Variants in MAD1L1 observed in about 807,000 individuals in gnomAD.
The protein encoded by MAD1L1 is mitotic arrest deficient 1 like 1.
Under a neutral mutation model 96.9 loss-of-function variants are expected in MAD1L1, and 95 were observed. That is an observed-to-expected ratio of 0.98 (90% CI 0.83 to 1.16). MAD1L1 has a LOEUF of 1.16. Ranked by LOEUF, MAD1L1 falls within the 50% of genes most tolerant of loss-of-function variation. MAD1L1 has a pLI of 0.00. For missense variants in MAD1L1, 1,007 were observed against 954.4 expected (o/e 1.06, Z -0.73); for synonymous variants, 473 against 396.6 (o/e 1.19, Z -2.29).
chr7:1,937,299 T>C (rs1442880324), intron 16 of MAD1L1, among the ~76,000 whole-genome samples: 1 of 152,074 alleles, frequency 6.6e-6, no homozygotes, highest in East Asian at 1.9e-4. Context: ...CATGTTCCCA[T>C]CTCTTCCCTA....
At chr7:1,832,361 G>A (rs1221434090) in intron 18 of MAD1L1, among the ~76,000 whole-genome samples, 1 of 152,112 alleles carries the variant, frequency 6.6e-6, no homozygotes, top group Non-Finnish European at 1.5e-5. Flanking sequence ...ATGAGGAGCT[G>A]CTGCTTATGA....
intron 15 of MAD1L1, among the ~76,000 whole-genome samples, chr7:1,976,769 T>C (rs1483516543): frequency 6.6e-6 from 1 of 152,238 alleles, no homozygotes; most frequent in Non-Finnish European, 1.5e-5. Flanking sequence ...CACAGAGTGC[T>C]GATTGGTGCA....
intron 16 of MAD1L1, among the ~76,000 whole-genome samples, chr7:1,940,931 TCCCCCAGGCCTCACCCTCCTCTTCCTCCC>T (rs1778927962): frequency 1.2e-5 from 1 of 84,302 alleles, no homozygotes; most frequent in Non-Finnish European, 2.6e-5. Flanking sequence ...GAGACCCTCC[TCCCCCAGGCCTCACCCTCCTCTTCCTCCC>T]CCCGCAGGCC....
chr7:2,195,236 TA>T (rs1251420569), intron 10 of MAD1L1, among the ~76,000 whole-genome samples: 3 of 152,200 alleles, frequency 2.0e-5, no homozygotes, highest in African/African-American at 7.2e-5. Context: ...ATGCTTGTAA[TA>T]GCTACCAATG....
At chr7:2,162,007 G>A (rs562517498) in intron 10 of MAD1L1, among the ~76,000 whole-genome samples, 1 of 139,738 alleles carries the variant, frequency 7.2e-6, no homozygotes, top group Non-Finnish European at 1.5e-5. Flanking sequence ...GAGGTGGGGG[G>A]CGGCCCCTGC....
chr7:2,213,400 G>A, intron 9 of MAD1L1, 127 bp from the exon 10 acceptor site: 1 of 836,384 alleles, frequency 1.2e-6, no homozygotes, highest in Admixed American at 1.9e-5. Flanking sequence ...TCTCTGAGCT[G>A]GGCGCTACAT....
chr7:1,891,586 A>C (rs956042381), intron 18 of MAD1L1, among the ~76,000 whole-genome samples: 3 of 151,986 alleles, frequency 2.0e-5, no homozygotes, highest in African/African-American at 4.8e-5. Flanking sequence ...CTTTATTCTT[A>C]TTATTATTAG....
At chr7:1,931,005 G>A (rs570560417) in intron 17 of MAD1L1, among the ~76,000 whole-genome samples, 40 of 151,318 alleles carry the variant, frequency 2.6e-4, no homozygotes, top group Non-Finnish European at 4.4e-4. Context: ...TCACAGGAGC[G>A]AGGGCGCGTC....
intron 10 of MAD1L1, among the ~76,000 whole-genome samples, chr7:2,178,867 A>C: frequency 6.6e-6 from 1 of 151,744 alleles, no homozygotes; most frequent in East Asian, 1.9e-4. Context: ...ACTGCACTTC[A>C]GCCTAGGCGA....
At chr7:1,862,811 C>G (rs1344048547) in intron 18 of MAD1L1, among the ~76,000 whole-genome samples, 1 of 152,200 alleles carries the variant, frequency 6.6e-6, no homozygotes, top group African/African-American at 2.4e-5. Flanking sequence ...ACGATGAAAA[C>G]AAACTCAAAA....
intron 12 of MAD1L1, among the ~76,000 whole-genome samples, chr7:2,049,441 G>A (rs886851985): frequency 2.0e-5 from 3 of 152,208 alleles, no homozygotes; most frequent in African/African-American, 7.2e-5. Flanking sequence ...GCCCACCATG[G>A]GTGGCAAAAG....
At chr7:2,187,473 C>T (rs1450573363) in intron 10 of MAD1L1, among the ~76,000 whole-genome samples, 1 of 152,188 alleles carries the variant, frequency 6.6e-6, no homozygotes, top group Non-Finnish European at 1.5e-5. Flanking sequence ...AAACCAGGGG[C>T]ACCACGTGGG....
intron 18 of MAD1L1, among the ~76,000 whole-genome samples, chr7:1,832,639 G>C (rs867460707): frequency 2.6e-4 from 4 of 15,396 alleles, no homozygotes; most frequent in African/African-American, 5.8e-4. Context: ...TTGGCGGGGG[G>C]GGGGGGGGTG....
intron 18 of MAD1L1, among the ~76,000 whole-genome samples, chr7:1,875,961 C>G (rs573365828): frequency 1.3e-5 from 2 of 152,192 alleles, no homozygotes; most frequent in African/African-American, 4.8e-5. Flanking sequence ...AAGGGGCGGC[C>G]GTCCACAAGC....
At chr7:2,042,117 A>ACG (rs1348890701) in intron 12 of MAD1L1, among the ~76,000 whole-genome samples, 2 of 151,800 alleles carry the variant, frequency 1.3e-5, no homozygotes, top group Non-Finnish European at 2.9e-5. Context: ...GCACACACAC[A>ACG]CGCAGACACA....
At chr7:2,166,119 G>T (rs543929341) in intron 10 of MAD1L1, among the ~76,000 whole-genome samples, 1 of 152,296 alleles carries the variant, frequency 6.6e-6, no homozygotes, top group East Asian at 1.9e-4. Flanking sequence ...ACGCCACCAC[G>T]ACTGTGACGT....
chr7:2,110,118 TC>T lies in MAD1L1; in HGVS notation c.1073+39033del, dbSNP rs577528363. On this transcript the variant is annotated intron_variant, in intron 11 of 18. Transcript: ENST00000265854. ...AAACCACAGCCGATTTTCCTAAGGC[TC>T]CCCTCCACTGATCTCACACACGTTA... is the stretch of plus-strand genomic sequence containing the variant. Among the ~76,000 whole-genome samples the T allele has an allele frequency of 5.3e-5, 8 of 152,218 alleles. No individual in the cohort carries two copies. In the South Asian group the frequency reaches 1.7e-3, roughly 32 times the overall value.
intron 10 of MAD1L1, among the ~76,000 whole-genome samples, chr7:2,192,870 A>C (rs1791796305): frequency 1.3e-5 from 2 of 152,262 alleles, no homozygotes; most frequent in South Asian, 4.1e-4. Context: ...ACTCAATTTT[A>C]GTTTTAATCA....
At chr7:2,090,318 G>A (rs548698696) in intron 11 of MAD1L1, among the ~76,000 whole-genome samples, 1 of 152,326 alleles carries the variant, frequency 6.6e-6, no homozygotes, top group Admixed American at 6.5e-5. Flanking sequence ...TTGCTTTGGG[G>A]AACTCAGGCA....
Sources: allele counts gnomAD v4.1 joint callset (sites outside exome capture counted in the v4.1 genomes callset), GRCh38; gene constraint gnomAD v4.1.1; transcripts MANE v1.5; gene names NCBI Gene and HGNC (gene_info 2026-07-23, HGNC 2026-07-21).